The following SH3GL3 variants were observed in gnomAD, a reference collection of about 807,000 sequenced individuals.
SH3GL3 encodes SH3 domain containing GRB2 like 3, endophilin A3, also known as endophilin-A3.
In SH3GL3, 33 loss-of-function variants were observed where a neutral mutation model predicts 47.7. The observed-to-expected ratio is 0.69, with a 90% CI of 0.52 to 0.92. The LOEUF is 0.92. Among genes scored for constraint, SH3GL3 ranks in the 40% least tolerant of loss-of-function variants. SH3GL3 has a pLI of 0.00. For missense variants in SH3GL3, 363 were observed against 417.8 expected (o/e 0.87, Z 1.14); for synonymous variants, 155 against 148.8 (o/e 1.04, Z -0.30).
intron 8 of SH3GL3, among the ~76,000 whole-genome samples, chr15:83,612,518 C>G (rs1204148123): frequency 1.3e-5 from 2 of 152,184 alleles, no homozygotes; most frequent in African/African-American, 4.8e-5. Flanking sequence ...GAGCGACCAG[C>G]CTTCAGGCCC....
intron 1 of SH3GL3, among the ~76,000 whole-genome samples, chr15:83,558,768 T>G (rs2045093625): frequency 6.6e-6 from 1 of 152,180 alleles, no homozygotes; most frequent in South Asian, 2.1e-4. Flanking sequence ...AAATGCCACA[T>G]CTTCTAGGAA....
At chr15:83,621,218 T>C (rs1596365275), downstream of SH3GL3, among the ~76,000 whole-genome samples, 1 of 152,234 alleles carries the variant, frequency 6.6e-6, no homozygotes, top group East Asian at 1.9e-4. Flanking sequence ...TTCTTTGCAT[T>C]CACGACTTAG....
intron 1 of SH3GL3, among the ~76,000 whole-genome samples, chr15:83,544,266 C>T (rs111396611): frequency 2.0e-5 from 3 of 151,860 alleles, no homozygotes; most frequent in African/African-American, 7.3e-5. Context: ...CTTCATTGAC[C>T]CACTGGTCCT....
At chr15:83,576,408 G>A (rs2059679709) in intron 5 of SH3GL3, among the ~76,000 whole-genome samples, 175 bp from the exon 6 acceptor site, 1 of 152,196 alleles carries the variant, frequency 6.6e-6, no homozygotes, top group South Asian at 2.1e-4. Context: ...TGGAGCACCT[G>A]AAGTGAGGGG....
Position 83,572,645 on chromosome 15 carries a change from A to G in SH3GL3, c.412A>G (p.Thr138Ala). The G allele has an allele frequency of 6.2e-7, 1 of 1,611,644 alleles. No homozygotes were observed. Among genetic ancestry groups the G allele is most frequent in the Non-Finnish European group, 8.5e-7 (1 of 1,177,694 alleles). Reference sequence around the variant, plus strand: ...CTCTCTTGATATTAATGTAAAGCAAACTTTTATTGATCCACTTCAGTTACT... The same window carrying G: ...CTCTCTTGATATTAATGTAAAGCAAGCTTTTATTGATCCACTTCAGTTACT... ...KDSLDINVKQ[T>A]FIDPLQLLQD... Residue 138 changes from threonine (T) to alanine (A), a missense_variant, in exon 5 of 9, where the codon ACT (threonine) becomes GCT (alanine). Thr to Ala is a moderately conservative substitution (Grantham distance 58). Coordinates refer to ENST00000427482, the MANE Select transcript of SH3GL3 (RefSeq NM_003027.5).
intron 8 of SH3GL3, among the ~76,000 whole-genome samples, chr15:83,615,741 G>C (rs1364381114): frequency 6.6e-6 from 1 of 152,110 alleles, no homozygotes; most frequent in Admixed American, 6.5e-5. Context: ...ATATGATAAA[G>C]ATAAAGGCAA....
At chr15:83,474,361 T>A (rs147190548) in intron 1 of SH3GL3, among the ~76,000 whole-genome samples, 2 of 152,346 alleles carry the variant, frequency 1.3e-5, no homozygotes, top group East Asian at 3.9e-4. Context: ...TAGATCCTCT[T>A]GATTTTTTTG....
intron 1 of SH3GL3, among the ~76,000 whole-genome samples, chr15:83,545,995 C>T (rs573325562): frequency 6.6e-5 from 10 of 152,332 alleles, no homozygotes; most frequent in Admixed American, 2.6e-4. Context: ...CAGAACAGTA[C>T]TGGGTCTTGC....
chr15:83,494,085 G>A (rs1039842097), intron 1 of SH3GL3, among the ~76,000 whole-genome samples: 3 of 152,242 alleles, frequency 2.0e-5, no homozygotes, highest in African/African-American at 7.2e-5. Context: ...CTTTTCCAGA[G>A]GGAAGCTGGG....
intron 1 of SH3GL3, among the ~76,000 whole-genome samples, chr15:83,530,205 G>A (rs1026976705): frequency 1.1e-4 from 17 of 152,186 alleles, no homozygotes; most frequent in African/African-American, 3.9e-4. Flanking sequence ...AGGGGAGTGT[G>A]TAGAGCACTG....
At chr15:83,503,952 T>A (rs946563268) in intron 1 of SH3GL3, among the ~76,000 whole-genome samples, 1 of 152,234 alleles carries the variant, frequency 6.6e-6, no homozygotes, top group Non-Finnish European at 1.5e-5. Context: ...TTGTCATTTC[T>A]TTAATTGTGA....
chr15:83,512,796 C>A (rs2042822774), intron 1 of SH3GL3, among the ~76,000 whole-genome samples: 1 of 152,102 alleles, frequency 6.6e-6, no homozygotes, highest in African/African-American at 2.4e-5. Context: ...CTCCCTCCCT[C>A]TCCCTATCAG....
intron 6 of SH3GL3, among the ~76,000 whole-genome samples, chr15:83,579,942 A>C (rs2059789070): frequency 6.6e-6 from 1 of 152,152 alleles, no homozygotes. Flanking sequence ...CACTCCTTGG[A>C]CCTGACATGC....
intron 1 of SH3GL3, among the ~76,000 whole-genome samples, chr15:83,495,820 T>C (rs1474379210): frequency 6.6e-6 from 1 of 152,188 alleles, no homozygotes; most frequent in East Asian, 1.9e-4. Flanking sequence ...TTCCTTATGA[T>C]AGACTCCACT....
At chr15:83,548,671 A>G (rs1188825138) in intron 1 of SH3GL3, among the ~76,000 whole-genome samples, 1 of 152,080 alleles carries the variant, frequency 6.6e-6, no homozygotes, top group Admixed American at 6.5e-5. Context: ...TCAGCTAAGA[A>G]TCTTTTTGTT....
chr15:83,619,793 A>T (rs1279180697), downstream of SH3GL3, among the ~76,000 whole-genome samples: 5 of 152,180 alleles, frequency 3.3e-5, no homozygotes, highest in African/African-American at 9.7e-5. Context: ...TGTCTGTGGC[A>T]ATTTCTTAAA....
At chr15:83,569,286 T>C (rs1203389537) in intron 4 of SH3GL3, among the ~76,000 whole-genome samples, 1 of 152,226 alleles carries the variant, frequency 6.6e-6, no homozygotes, top group Non-Finnish European at 1.5e-5. Context: ...ATATACTCTT[T>C]GGTAACACTG....
chr15:83,624,396 G>T, the SH3GL3 span, among the ~76,000 whole-genome samples: 1 of 152,198 alleles, frequency 6.6e-6, no homozygotes, highest in Non-Finnish European at 1.5e-5. Flanking sequence ...GATAGGGAGA[G>T]TGTGATCCTA....
intron 5 of SH3GL3, among the ~76,000 whole-genome samples, chr15:83,573,278 T>A (rs2059587051): frequency 1.3e-5 from 2 of 152,168 alleles, no homozygotes; most frequent in Non-Finnish European, 2.9e-5. Flanking sequence ...AGCACCGTCT[T>A]ATGGATATGT....
Sources: gnomAD v4.1 joint callset for allele counts (sites outside exome capture counted in the v4.1 genomes callset) on GRCh38, gnomAD v4.1.1 for gene constraint, MANE v1.5 for transcripts, NCBI Gene and HGNC (gene_info 2026-07-23, HGNC 2026-07-21) for gene names.